The following DNAI4 variants were observed in gnomAD, a reference collection of about 807,000 sequenced individuals.
The protein encoded by DNAI4 is WD repeat domain 78.
In DNAI4, 85 loss-of-function variants were observed where a neutral mutation model predicts 105.8. The observed-to-expected ratio is 0.80, with a 90% CI of 0.67 to 0.96. DNAI4 has a LOEUF of 0.96. Ranked by LOEUF, DNAI4 falls within the 40% of genes least tolerant of loss-of-function variation. DNAI4 has a pLI of 0.00. For missense variants in DNAI4, 1,014 were observed against 1,005.6 expected (o/e 1.01, Z -0.11); for synonymous variants, 352 against 331.5 (o/e 1.06, Z -0.67).
intron 8 of DNAI4, among the ~76,000 whole-genome samples, chr1:66,846,473 A>C (rs1036768422): frequency 2.6e-5 from 4 of 152,206 alleles, no homozygotes; most frequent in African/African-American, 9.6e-5. Flanking sequence ...ATAAGGGTAG[A>C]CTGTCAAGCA....
chr1:66,895,401 G>C (rs1250937400), intron 2 of DNAI4, among the ~76,000 whole-genome samples: 1 of 152,200 alleles, frequency 6.6e-6, no homozygotes, highest in African/African-American at 2.4e-5. Flanking sequence ...CCAGGAGTTT[G>C]AGGATATAGT....
intron 4 of DNAI4, among the ~76,000 whole-genome samples, chr1:66,884,360 T>C (rs930117954): frequency 3.3e-5 from 5 of 152,222 alleles, no homozygotes; most frequent in Admixed American, 2.0e-4. Context: ...CTGGATCTTA[T>C]GGTAATTCTA....
At chr1:66,870,748 CAAAAAAAAAAAAAAAAA>C (rs1184105731) in intron 6 of DNAI4, 13 of 16,618 alleles carry the variant, frequency 7.8e-4, no homozygotes, top group Non-Finnish European at 1.1e-4. Flanking sequence ...GACTCTGACG[CAAAAAAAAAAAAAAAAA>C]AAAAAAAAAA....
chr1:66,835,530 T>C, intron 11 of DNAI4, 96 bp downstream of exon 11: 1 of 1,311,654 alleles, frequency 7.6e-7, no homozygotes, highest in East Asian at 2.3e-5. Context: ...TCACTCTCAG[T>C]AACAACAAAA....
chr1:66,898,479 G>A (rs1648527401), intron 2 of DNAI4, among the ~76,000 whole-genome samples: 1 of 152,144 alleles, frequency 6.6e-6, no homozygotes, highest in Non-Finnish European at 1.5e-5. Flanking sequence ...GGGTCAAGAG[G>A]GCTCTACCCT....
chr1:66,878,241 C>A (rs1486594371), intron 4 of DNAI4, among the ~76,000 whole-genome samples: 5 of 152,124 alleles, frequency 3.3e-5, no homozygotes, highest in Non-Finnish European at 7.4e-5. Context: ...TCCAATTCTA[C>A]AATATTTATT....
At chr1:66,841,699 C>T (rs547663900) in intron 8 of DNAI4, among the ~76,000 whole-genome samples, 29 of 152,092 alleles carry the variant, frequency 1.9e-4, no homozygotes, top group Non-Finnish European at 4.0e-4. Flanking sequence ...ACATATGCCA[C>T]ATATGTGAGT....
intron 3 of DNAI4, 116 bp downstream of exon 3, chr1:66,893,113 G>GAA (rs1185930811): frequency 2.2e-5 from 11 of 504,460 alleles, no homozygotes; most frequent in African/African-American, 1.6e-4. Flanking sequence ...AAGAAAGAAA[G>GAA]AAAGAAAGAA....
chr1:66,876,632 G>A (rs1646964540), intron 4 of DNAI4, among the ~76,000 whole-genome samples: 1 of 151,962 alleles, frequency 6.6e-6, no homozygotes. Flanking sequence ...TTTACTATAT[G>A]TTCAGAAACT....
rs1236354443 is a variant in DNAI4 at position 66,854,295 on chromosome 1, G to A, written c.1097-6617C>T. Reference sequence around the variant, plus strand: ...AGTCCCAGCTACTTGGGAGGCTGAGGTGGGAGAATTGCTTGAGCCTGGGAG... The same window carrying A: ...AGTCCCAGCTACTTGGGAGGCTGAGATGGGAGAATTGCTTGAGCCTGGGAG... On this transcript the variant is annotated intron_variant, in intron 7 of 16. Coordinates refer to ENST00000371026, the MANE Select transcript of DNAI4 (RefSeq NM_024763.5). Among the ~76,000 whole-genome samples, 11 of 152,238 alleles carry A rather than the reference G, an allele frequency of 7.2e-5. No individual in the cohort carries two copies. The East Asian group carries it at 2.1e-3, about 29-fold the overall frequency.
chr1:66,899,061 T>A (rs940461275), intron 2 of DNAI4, among the ~76,000 whole-genome samples: 1 of 152,236 alleles, frequency 6.6e-6, no homozygotes, highest in Non-Finnish European at 1.5e-5. Flanking sequence ...ATAATGCTAC[T>A]AGAAACATTT....
At chr1:66,846,974 A>G (rs1646289982) in intron 8 of DNAI4, among the ~76,000 whole-genome samples, 1 of 152,252 alleles carries the variant, frequency 6.6e-6, no homozygotes, top group South Asian at 2.1e-4. Flanking sequence ...AGTAGTAATA[A>G]AAGTAAGAAC....
chr1:66,918,639 C>T (rs1053620219), intron 1 of DNAI4, among the ~76,000 whole-genome samples: 3 of 152,146 alleles, frequency 2.0e-5, no homozygotes, highest in Admixed American at 2.0e-4. Flanking sequence ...CTCCCTTCCT[C>T]CCGTTTCCTC....
At chr1:66,916,948 AT>A (rs1439414017) in intron 1 of DNAI4, among the ~76,000 whole-genome samples, 1 of 151,856 alleles carries the variant, frequency 6.6e-6, no homozygotes, top group Non-Finnish European at 1.5e-5. Context: ...ACAATGACCT[AT>A]GATCCTATTT....
chr1:66,902,423 G>A (rs1033954969), intron 2 of DNAI4, among the ~76,000 whole-genome samples: 7 of 151,834 alleles, frequency 4.6e-5, no homozygotes, highest in African/African-American at 1.7e-4. Context: ...TTTCTTTGTT[G>A]TCAATTTGTA....
chr1:66,906,428 T>A (rs1649256308), intron 1 of DNAI4, among the ~76,000 whole-genome samples: 1 of 152,172 alleles, frequency 6.6e-6, no homozygotes, highest in Admixed American at 6.5e-5. Context: ...TTTTAAATAA[T>A]ACATTTACTT....
At chr1:66,856,235 C>T (rs1311739454) in intron 7 of DNAI4, among the ~76,000 whole-genome samples, 1 of 151,108 alleles carries the variant, frequency 6.6e-6, no homozygotes, top group Non-Finnish European at 1.5e-5. Flanking sequence ...TTTGGGAGGC[C>T]GAGGTGGGCA....
chr1:66,831,332 G>A (rs191524403), intron 13 of DNAI4, among the ~76,000 whole-genome samples: 8 of 152,178 alleles, frequency 5.3e-5, no homozygotes, highest in African/African-American at 1.7e-4. Flanking sequence ...AGTCAAAGAT[G>A]TCACAAGAAA....
Position 66,904,793 on chromosome 1 carries a change from A to C in DNAI4, c.345+408T>G, listed in dbSNP as rs149973123. On this transcript the variant is annotated intron_variant, in intron 2 of 16. Transcript: ENST00000371026. ...TTATATGCTTTTCTGTATATATATA[A>C]TCATTTGATTAAAAGTTTAAAAGAG... 1.6e-3 allele frequency: 270 copies of C among 167,440 alleles called. 2 individuals carry two copies. Among genetic ancestry groups the C allele is most frequent in the African/African-American group, 6.0e-3 (256 of 42,322 alleles). 10.4% of individuals were successfully genotyped at this position (167,440 alleles called of 1,614,324 possible). A position where few individuals can be genotyped will look rare whatever the true frequency, so the allele number is the denominator to read the frequency against.
Sources: allele counts gnomAD v4.1 joint callset (sites outside exome capture counted in the v4.1 genomes callset), GRCh38; gene constraint gnomAD v4.1.1; transcripts MANE v1.5; gene names NCBI Gene and HGNC (gene_info 2026-07-23, HGNC 2026-07-21).